SYT1: variants seen among roughly 807,000 people sequenced by gnomAD.
The protein encoded by SYT1 is synaptotagmin 1.
SYT1 carries 8 observed loss-of-function variants against 44.8 expected under a neutral mutation model. The observed-to-expected ratio is 0.18, with a 90% CI of 0.10 to 0.32. SYT1 has a LOEUF of 0.32. SYT1 is among the 10% of genes least tolerant of loss of function. The probability of loss-of-function intolerance (pLI) is 1.00; values close to 1 mark genes in which losing one functional copy is unlikely to be tolerated. For missense variants in SYT1, 286 were observed against 509.3 expected (o/e 0.56, Z 4.22); for synonymous variants, 154 against 188.8 (o/e 0.82, Z 1.51).
At position 78,872,032 on chromosome 12, in the gene SYT1, T is replaced by C. The variant is rs547403102; in HGVS notation, c.-217+6923T>C. On this transcript the variant is annotated intron_variant, in intron 1 of 10. Transcript: ENST00000261205. ...GGAAATTCTTCTGTTAAAAGCTTAG[T>C]TAACAATATGACATTACAAATAATG... Among the ~76,000 whole-genome samples the C allele has an allele frequency of 4.6e-5, 7 of 152,078 alleles. No homozygotes were observed. In the East Asian group the frequency reaches 1.4e-3, roughly 29 times the overall value.
intron 3 of SYT1, among the ~76,000 whole-genome samples, chr12:79,098,991 C>T (rs1878300640): frequency 6.6e-6 from 1 of 151,910 alleles, no homozygotes; most frequent in Admixed American, 6.6e-5. Flanking sequence ...GAAATAATTC[C>T]AAAAAATGCA....
intron 1 of SYT1, among the ~76,000 whole-genome samples, chr12:78,891,938 C>A (rs1201397798): frequency 1.3e-5 from 2 of 151,798 alleles, no homozygotes; most frequent in Admixed American, 6.6e-5. Context: ...CAAATAAATT[C>A]TATGTGCAAT....
intron 3 of SYT1, among the ~76,000 whole-genome samples, chr12:79,181,588 C>A (rs1022065716): frequency 2.0e-5 from 3 of 151,870 alleles, no homozygotes; most frequent in Non-Finnish European, 4.4e-5. Context: ...TAAATAGTTC[C>A]TGAGACCCTA....
At position 79,285,775 on chromosome 12, in the gene SYT1, T is replaced by C; in HGVS notation, c.167-12T>C. 6.3e-7 allele frequency: 1 copy of C among 1,588,974 alleles called. No individual in the cohort carries two copies. Among genetic ancestry groups the C allele is most frequent in the Non-Finnish European group, 8.6e-7 (1 of 1,168,074 alleles). On this transcript the variant is annotated splice_polypyrimidine_tract_variant and intron_variant, in intron 4 of 10. Transcript: ENST00000261205. ...TGTTGTATGACTAGTGCTCTCTGTG[T>C]GTTTCTTTCAGTGCCACCGTGGGCC...
chr12:79,224,791 T>G (rs909878998), intron 4 of SYT1, among the ~76,000 whole-genome samples: 5 of 142,176 alleles, frequency 3.5e-5, no homozygotes, highest in Non-Finnish European at 4.6e-5. Flanking sequence ...ATTATTATTA[T>G]TATTAGAGAC....
rs1037134979 is a variant in SYT1 at position 79,449,354 on chromosome 12, G to GTAGA, written c.*235_*238dup. ...ACTCTTCTTTTAAGCAATATGATGT[G>GTAGA]TAGATAGAGCATGAATGAAATTATT... On this transcript the variant is annotated 3_prime_UTR_variant, in exon 11 of 11. Transcript: ENST00000261205. 3 of 529,786 alleles carry GTAGA rather than the reference G, an allele frequency of 5.7e-6. No homozygotes were observed. Among genetic ancestry groups the GTAGA allele is most frequent in the East Asian group, 3.2e-5 (1 of 30,898 alleles). 32.8% of individuals were successfully genotyped at this position (529,786 alleles called of 1,614,324 possible). A position where few individuals can be genotyped will look rare whatever the true frequency, so the allele number is the denominator to read the frequency against.
chr12:78,995,098 G>A (rs1414971767), intron 2 of SYT1, among the ~76,000 whole-genome samples: 1 of 152,108 alleles, frequency 6.6e-6, no homozygotes, highest in Non-Finnish European at 1.5e-5. Context: ...CCAAGATTCT[G>A]ATTAAATAGG....
intron 3 of SYT1, among the ~76,000 whole-genome samples, chr12:79,209,133 C>T (rs1874295377): frequency 6.6e-6 from 1 of 152,162 alleles, no homozygotes; most frequent in Non-Finnish European, 1.5e-5. Flanking sequence ...AGTGACAGGG[C>T]TGTTCAATCT....
At chr12:79,386,596 T>A (rs1283278286) in intron 9 of SYT1, among the ~76,000 whole-genome samples, 18 of 152,322 alleles carry the variant, frequency 1.2e-4, no homozygotes, top group Admixed American at 9.2e-4. Context: ...TTTTCTATTG[T>A]ATGAACTATC....
intron 1 of SYT1, among the ~76,000 whole-genome samples, chr12:78,906,415 A>C (rs1324960016): frequency 6.6e-6 from 1 of 152,150 alleles, no homozygotes; most frequent in East Asian, 1.9e-4. Context: ...TGCCCAGAAC[A>C]GAAAAAGATA....
At chr12:79,291,358 GC>G (rs1565893304) in intron 5 of SYT1, among the ~76,000 whole-genome samples, 1 of 152,140 alleles carries the variant, frequency 6.6e-6, no homozygotes, top group Non-Finnish European at 1.5e-5. Context: ...ATTCAGCCTA[GC>G]TTTTGGTGGA....
intron 9 of SYT1, among the ~76,000 whole-genome samples, chr12:79,421,774 C>T (rs1283871876): frequency 6.6e-6 from 1 of 150,530 alleles, no homozygotes; most frequent in Non-Finnish European, 1.5e-5. Context: ...TTCTCAAATT[C>T]CCAAGGAATG....
chr12:79,431,411 G>T (rs1869766102), intron 9 of SYT1, among the ~76,000 whole-genome samples: 1 of 151,812 alleles, frequency 6.6e-6, no homozygotes, highest in African/African-American at 2.4e-5. Context: ...TCACAAATTT[G>T]CTTCATAAAA....
At chr12:79,276,601 G>T (rs138239688) in intron 4 of SYT1, among the ~76,000 whole-genome samples, 2 of 151,466 alleles carry the variant, frequency 1.3e-5, no homozygotes, top group Non-Finnish European at 2.9e-5. Flanking sequence ...ACTTGAACCC[G>T]GGAGGCAGAG....
Position 79,086,297 on chromosome 12 carries a change from T to G in SYT1, c.-18+38935T>G, listed in dbSNP as rs540416189. On this transcript the variant is annotated intron_variant, in intron 3 of 10. Transcript: ENST00000261205. ...GTGTGTGTGTGAGCCTGTGACTAAT[T>G]TTTTAGCCTCCGTCATTTTTCCTAC... Among the ~76,000 whole-genome samples, 4 of 152,182 alleles carry G rather than the reference T, an allele frequency of 2.6e-5. No individual in the cohort carries two copies. In the East Asian group the frequency reaches 7.8e-4, roughly 30 times the overall value.
intron 9 of SYT1, among the ~76,000 whole-genome samples, chr12:79,429,153 T>A (rs2136173395): frequency 6.6e-6 from 1 of 152,300 alleles, no homozygotes; most frequent in Middle Eastern, 3.4e-3. Context: ...AATTTCAATA[T>A]GAAATTTGGA....
chr12:79,351,098 A>G (rs1882879580), intron 8 of SYT1, among the ~76,000 whole-genome samples: 1 of 152,206 alleles, frequency 6.6e-6, no homozygotes, highest in South Asian at 2.1e-4. Context: ...GGTGCTTTAA[A>G]AAAGCACTTT....
chr12:78,982,919 T>C (rs1357890489), intron 2 of SYT1, among the ~76,000 whole-genome samples: 1 of 152,168 alleles, frequency 6.6e-6, no homozygotes, highest in African/African-American at 2.4e-5. Flanking sequence ...ATCTACAATG[T>C]CAGTTATTCT....
Position 79,041,004 on chromosome 12 carries a change from C to T in SYT1, c.-83-6293C>T, listed in dbSNP as rs568925647. ...CTATATCTCTGTTTTGGTACCAGTA[C>T]CCTGCTGTTTTGGTTACTGTAGCCT... is the stretch of plus-strand genomic sequence containing the variant. On this transcript the variant is annotated intron_variant, in intron 2 of 10. Coordinates refer to ENST00000261205, the MANE Select transcript of SYT1 (RefSeq NM_005639.3). Among the ~76,000 whole-genome samples, 936 of 152,118 alleles carry T rather than the reference C, an allele frequency of 6.2e-3. 19 individuals carry two copies. Among genetic ancestry groups the T allele is most frequent in the Non-Finnish European group, 3.9e-3 (268 of 68,012 alleles).
Sources: gnomAD v4.1 joint callset for allele counts (sites outside exome capture counted in the v4.1 genomes callset) on GRCh38, gnomAD v4.1.1 for gene constraint, MANE v1.5 for transcripts, NCBI Gene and HGNC (gene_info 2026-07-23, HGNC 2026-07-21) for gene names.